The following GLIS3 variants were observed in gnomAD, a reference collection of about 807,000 sequenced individuals.
GLIS3 encodes GLIS family zinc finger 3, also known as zinc finger protein GLIS3.
A neutral mutation model predicts 78.6 loss-of-function variants in GLIS3; 53 were observed. That is an observed-to-expected ratio of 0.67 (90% CI 0.54 to 0.85). GLIS3 has a LOEUF of 0.85. Among genes scored for constraint, GLIS3 ranks in the 40% least tolerant of loss-of-function variants. The pLI is 0.00. For synonymous variants in GLIS3, 684 were observed against 509.9 expected, an observed-to-expected ratio of 1.34 and a Z score of -4.60; for missense variants, 1,703 against 1,231.1, an observed-to-expected ratio of 1.38 and a Z score of -5.74.
chr9:4,357,655 C>A, the GLIS3 span, among the ~76,000 whole-genome samples: 9 of 152,162 alleles, frequency 5.9e-5, no homozygotes, highest in African/African-American at 1.9e-4. Flanking sequence ...CATTGACTCA[C>A]GTGAACATCA....
At chr9:4,151,665 T>C (rs1834690762) in intron 2 of GLIS3, among the ~76,000 whole-genome samples, 1 of 152,216 alleles carries the variant, frequency 6.6e-6, no homozygotes, top group Non-Finnish European at 1.5e-5. Flanking sequence ...GATTGTGGCC[T>C]TTCTTCATCT....
intron 4 of GLIS3, among the ~76,000 whole-genome samples, chr9:3,939,185 A>G (rs1049286953): frequency 3.9e-5 from 6 of 152,204 alleles, no homozygotes; most frequent in Non-Finnish European, 8.8e-5. Flanking sequence ...CAGTCACCTC[A>G]GATCTTGATC....
At chr9:4,312,847 A>G (rs1817385524) in intron 2 of GLIS3, among the ~76,000 whole-genome samples, 1 of 152,094 alleles carries the variant, frequency 6.6e-6, no homozygotes. Flanking sequence ...AAAAGCTAAC[A>G]TTTTTCAGGT....
chr9:4,282,301 T>G (rs1827630151), intron 2 of GLIS3, among the ~76,000 whole-genome samples: 1 of 152,202 alleles, frequency 6.6e-6, no homozygotes, highest in African/African-American at 2.4e-5. Context: ...GCCCCAATAT[T>G]AGGTCCAACA....
chr9:4,408,748 ATAG>A, the GLIS3 span, among the ~76,000 whole-genome samples: 1 of 149,020 alleles, frequency 6.7e-6, no homozygotes, highest in African/African-American at 2.5e-5. Flanking sequence ...AAAAAAAAAA[ATAG>A]AGAGAATGAA....
At chr9:4,161,356 G>T (rs979624370) in intron 2 of GLIS3, among the ~76,000 whole-genome samples, 1 of 152,072 alleles carries the variant, frequency 6.6e-6, no homozygotes. Flanking sequence ...GAAAATTTCT[G>T]TTTTAGCATT....
the GLIS3 span, among the ~76,000 whole-genome samples, chr9:4,370,548 T>C: frequency 4.6e-5 from 7 of 152,072 alleles, no homozygotes; most frequent in Non-Finnish European, 8.8e-5. Context: ...TCACACCCTC[T>C]TTTTCTCTGG....
At chr9:4,472,357 C>A in the GLIS3 span, among the ~76,000 whole-genome samples, 1 of 152,126 alleles carries the variant, frequency 6.6e-6, no homozygotes, top group Non-Finnish European at 1.5e-5. Context: ...GGAACCAATC[C>A]AAATGTCCAT....
At chr9:3,911,466 A>C (rs1824149149) in intron 6 of GLIS3, among the ~76,000 whole-genome samples, 1 of 152,210 alleles carries the variant, frequency 6.6e-6, no homozygotes, top group Admixed American at 6.5e-5. Context: ...TGAAAACTTG[A>C]TTAAAACATC....
At chr9:3,936,467 T>A (rs957548716) in intron 5 of GLIS3, among the ~76,000 whole-genome samples, 1 of 152,300 alleles carries the variant, frequency 6.6e-6, no homozygotes, top group South Asian at 2.1e-4. Flanking sequence ...ATGAGGAAAG[T>A]GAACTCTTGG....
chr9:4,238,528 A>C (rs1822993809), intron 2 of GLIS3, among the ~76,000 whole-genome samples: 2 of 152,170 alleles, frequency 1.3e-5, no homozygotes, highest in South Asian at 4.1e-4. Flanking sequence ...CAGTGCTAAA[A>C]CCACCGTGGC....
At chr9:3,972,907 C>G (rs2130928916) in intron 4 of GLIS3, among the ~76,000 whole-genome samples, 1 of 152,240 alleles carries the variant, frequency 6.6e-6, no homozygotes. Flanking sequence ...TAGTGAATCT[C>G]TCTTCTGACG....
chr9:4,371,599 G>T, the GLIS3 span, among the ~76,000 whole-genome samples: 1 of 152,158 alleles, frequency 6.6e-6, no homozygotes, highest in Admixed American at 6.5e-5. Flanking sequence ...CCTCCTTGCT[G>T]ATCTCTCACT....
rs1021574780 is a variant in GLIS3, at chr9:4,282,970, C to A, written c.388+3068G>T. 2.6e-5 allele frequency among the ~76,000 whole-genome samples: 4 copies of A among 152,088 alleles called. No homozygotes were observed. The East Asian group carries it at 7.7e-4, about 29-fold the overall frequency. On this transcript the variant is annotated intron_variant, in intron 2 of 10. Coordinates refer to ENST00000381971, the MANE Select transcript of GLIS3 (RefSeq NM_001042413.2). ...TTTCTGTACCCCTACCTATGTGGAA[C>A]CAGGTGCAAGTCCATGACATGCACC...
At chr9:4,264,372 G>A (rs568146636) in intron 2 of GLIS3, among the ~76,000 whole-genome samples, 41 of 152,128 alleles carry the variant, frequency 2.7e-4, no homozygotes, top group Non-Finnish European at 5.0e-4. Flanking sequence ...AACCTAACTG[G>A]TTGTCTTGTT....
At chr9:4,036,273 T>C (rs1165983400) in intron 4 of GLIS3, among the ~76,000 whole-genome samples, 1 of 147,362 alleles carries the variant, frequency 6.8e-6, no homozygotes, top group African/African-American at 2.5e-5. Context: ...ATCAAATCTC[T>C]TTTTTTTTTC....
the GLIS3 span, among the ~76,000 whole-genome samples, chr9:4,454,150 T>TAAAAAA: frequency 7.8e-6 from 1 of 128,842 alleles, no homozygotes; most frequent in Non-Finnish European, 1.6e-5. Context: ...TATATGATGA[T>TAAAAAA]AAAAAAAAAA....
In GLIS3 at chr9:3,879,550, G is replaced by C. The variant is rs1392276786; in HGVS notation, c.2174C>G (p.Ala725Gly). ...SNYSSRSGTA[A>G]GAVPPPHPVS... Reference sequence around the variant, plus strand: ...AGGATGTGGGGGTGGTACGGCCCCAGCAGCTGTTCCACTTCGGCTTGAATA... The same window carrying C: ...AGGATGTGGGGGTGGTACGGCCCCACCAGCTGTTCCACTTCGGCTTGAATA... The change falls in exon 8 of 11, where the codon GCT (alanine) becomes GGT (glycine). Residue 725 changes from alanine (A) to glycine (G), a missense_variant. Physicochemically the swap from Ala to Gly is moderately conservative, Grantham distance 60. Coordinates refer to ENST00000381971, the MANE Select transcript of GLIS3 (RefSeq NM_001042413.2). 1.2e-6 allele frequency: 2 copies of C among 1,614,006 alleles called. No individual in the cohort carries two copies. Among genetic ancestry groups the C allele is most frequent in the African/African-American group, 2.7e-5 (2 of 74,928 alleles).
intron 1 of GLIS3, among the ~76,000 whole-genome samples, chr9:4,289,005 A>G (rs1312926120): frequency 2.6e-5 from 4 of 152,314 alleles, no homozygotes; most frequent in Admixed American, 2.6e-4. Context: ...AATATTTTCT[A>G]TACTTTTTAG....
Sources: gnomAD v4.1 joint callset for allele counts (sites outside exome capture counted in the v4.1 genomes callset) on GRCh38, gnomAD v4.1.1 for gene constraint, MANE v1.5 for transcripts, NCBI Gene and HGNC (gene_info 2026-07-23, HGNC 2026-07-21) for gene names.